Variants in TSHZ2 observed in about 807,000 individuals in gnomAD.
The protein encoded by TSHZ2 is teashirt zinc finger homeobox 2, also known as teashirt homolog 2.
A neutral mutation model predicts 74.4 loss-of-function variants in TSHZ2; 21 were observed. That is an observed-to-expected ratio of 0.28 (90% CI 0.20 to 0.41). The LOEUF is 0.41. Ranked by LOEUF, TSHZ2 falls within the 10% of genes least tolerant of loss-of-function variation. The probability of loss-of-function intolerance (pLI) is 1.00; values close to 1 mark genes in which losing one functional copy is unlikely to be tolerated. For missense variants in TSHZ2, 1,244 were observed against 1,293.5 expected (o/e 0.96, Z 0.59); for synonymous variants, 540 against 515.3 (o/e 1.05, Z -0.65).
chr20:53,154,804 C>A (rs557133280), intron 1 of TSHZ2, among the ~76,000 whole-genome samples: 1 of 152,138 alleles, frequency 6.6e-6, no homozygotes, highest in Non-Finnish European at 1.5e-5. Context: ...GTCACTGAGA[C>A]AATCTATATA....
intron 1 of TSHZ2, among the ~76,000 whole-genome samples, chr20:53,202,751 C>T (rs528105803): frequency 8.5e-5 from 13 of 152,258 alleles, no homozygotes; most frequent in African/African-American, 2.2e-4. Flanking sequence ...CTTGATCCAA[C>T]GAAGGGAAGT....
intron 1 of TSHZ2, among the ~76,000 whole-genome samples, chr20:53,124,257 A>G (rs1004236820): frequency 2.0e-5 from 3 of 152,224 alleles, no homozygotes; most frequent in Non-Finnish European, 2.9e-5. Context: ...CTCTTTTCCA[A>G]TGGGTTTGAA....
chr20:53,237,678 T>C (rs1343080212), intron 1 of TSHZ2, among the ~76,000 whole-genome samples: 1 of 152,198 alleles, frequency 6.6e-6, no homozygotes, highest in Non-Finnish European at 1.5e-5. Context: ...GCTGCATCTT[T>C]AGGAGCTGAT....
intron 1 of TSHZ2, among the ~76,000 whole-genome samples, chr20:53,141,060 A>T (rs1223425016): frequency 6.6e-6 from 1 of 152,156 alleles, no homozygotes; most frequent in Non-Finnish European, 1.5e-5. Context: ...GTATGGGAAT[A>T]TTTGTTAAGT....
intron 2 of TSHZ2, among the ~76,000 whole-genome samples, chr20:53,300,178 C>T (rs1368020026): frequency 1.3e-5 from 2 of 152,174 alleles, no homozygotes; most frequent in Non-Finnish European, 2.9e-5. Context: ...CAGACGTTCA[C>T]ATTTTCATAG....
At chr20:53,201,651 A>G (rs1304521454) in intron 1 of TSHZ2, among the ~76,000 whole-genome samples, 1 of 152,202 alleles carries the variant, frequency 6.6e-6, no homozygotes, top group Non-Finnish European at 1.5e-5. Flanking sequence ...TTTGGATGCC[A>G]TGATCTCGCC....
chr20:53,062,291 GT>G (rs1446700063), intron 1 of TSHZ2, among the ~76,000 whole-genome samples: 3 of 152,194 alleles, frequency 2.0e-5, no homozygotes, highest in Admixed American at 6.5e-5. Flanking sequence ...GTAAAGTGCA[GT>G]ATAAATATAA....
At chr20:53,383,962 T>C (rs939634221) in intron 2 of TSHZ2, among the ~76,000 whole-genome samples, 1 of 152,152 alleles carries the variant, frequency 6.6e-6, no homozygotes, top group Non-Finnish European at 1.5e-5. Flanking sequence ...CAGATCCTAC[T>C]TTGGCAGTTT....
intron 1 of TSHZ2, among the ~76,000 whole-genome samples, chr20:53,248,921 C>T (rs924743365): frequency 2.0e-5 from 3 of 152,194 alleles, no homozygotes; most frequent in Admixed American, 6.5e-5. Context: ...TCATTACAAC[C>T]TCCATCTCCC....
intron 1 of TSHZ2, among the ~76,000 whole-genome samples, chr20:53,231,197 G>T (rs1196628855): frequency 2.0e-5 from 3 of 152,110 alleles, no homozygotes; most frequent in Non-Finnish European, 4.4e-5. Context: ...TAAAACAAGC[G>T]GAATAAACAG....
chr20:53,155,691 G>A (rs1194971892), intron 1 of TSHZ2, among the ~76,000 whole-genome samples: 2 of 152,036 alleles, frequency 1.3e-5, no homozygotes, highest in Admixed American at 1.3e-4. Context: ...CCTGGGCCCA[G>A]GAAAAATTAC....
intron 1 of TSHZ2, among the ~76,000 whole-genome samples, chr20:53,158,297 T>A (rs1175899369): frequency 6.6e-6 from 1 of 151,908 alleles, no homozygotes; most frequent in Non-Finnish European, 1.5e-5. Flanking sequence ...ACTGGAAGAG[T>A]AATGGATGAG....
chr20:53,171,620 G>T (rs1426037639), intron 1 of TSHZ2, among the ~76,000 whole-genome samples: 1 of 151,692 alleles, frequency 6.6e-6, no homozygotes, highest in Non-Finnish European at 1.5e-5. Context: ...TTTTGTGAGG[G>T]TGTTTGTACA....
Position 53,074,137 on chromosome 20 carries a change from G to A in TSHZ2, c.40+100804G>A, listed in dbSNP as rs950072119. Among the ~76,000 whole-genome samples the A allele has an allele frequency of 6.6e-6, 1 of 152,198 alleles. No homozygotes were observed. The highest frequency in any genetic ancestry group is 1.5e-5 in the Non-Finnish European group (1 of 68,020). On this transcript the variant is annotated intron_variant, in intron 1 of 2. Transcript: ENST00000371497. The surrounding 1 kb of genome is among the most constrained non-coding windows in gnomAD (Gnocchi z 5.9). ...CATGACATCCTTGGTGAACTCTTAT[G>A]TATCTTTTAAACTGCTGTTCAAATG... is the stretch of plus-strand genomic sequence containing the variant.
At chr20:52,977,104 A>G (rs947857396) in intron 1 of TSHZ2, among the ~76,000 whole-genome samples, 1 of 152,190 alleles carries the variant, frequency 6.6e-6, no homozygotes, top group Non-Finnish European at 1.5e-5. Flanking sequence ...ACTGCAACAG[A>G]GCAGAAATGA....
chr20:53,178,564 C>T (rs1350325108), intron 1 of TSHZ2: 1 of 152,076 alleles, frequency 6.6e-6, no homozygotes, highest in Non-Finnish European at 1.5e-5. Context: ...AAGGAACCCT[C>T]GCATATTAAA....
At chr20:53,181,485 G>GA (rs373425779) in intron 1 of TSHZ2, among the ~76,000 whole-genome samples, 4 of 152,290 alleles carry the variant, frequency 2.6e-5, no homozygotes, top group East Asian at 1.9e-4. Context: ...ACACTGGACA[G>GA]AAAAAAGAGG....
chr20:53,287,967 G>C (rs1345822265), intron 2 of TSHZ2, among the ~76,000 whole-genome samples: 1 of 152,012 alleles, frequency 6.6e-6, no homozygotes, highest in African/African-American at 2.4e-5. Flanking sequence ...TAATCCTCAA[G>C]CTAATTTCTA....
chr20:53,067,144 G>T (rs986761273), intron 1 of TSHZ2, among the ~76,000 whole-genome samples: 5 of 152,198 alleles, frequency 3.3e-5, no homozygotes, highest in Admixed American at 6.5e-5. Context: ...TGAATAGTTT[G>T]TCTTATGGTG....
Sources: allele counts gnomAD v4.1 joint callset (sites outside exome capture counted in the v4.1 genomes callset), GRCh38; gene constraint gnomAD v4.1.1; non-coding constraint Gnocchi (gnomAD v3.1); transcripts MANE v1.5; gene names NCBI Gene and HGNC (gene_info 2026-07-23, HGNC 2026-07-21).